Variants in EDIL3 observed in about 807,000 individuals in gnomAD.
EDIL3 encodes EGF-like repeat and discoidin I-like domain-containing protein 3.
EDIL3 carries 37 observed loss-of-function variants against 67.4 expected under a neutral mutation model. That is an observed-to-expected ratio of 0.55 (90% CI 0.42 to 0.72). The LOEUF (loss-of-function observed/expected upper bound fraction) is 0.72. Ranked by LOEUF, EDIL3 falls within the 30% of genes least tolerant of loss-of-function variation. EDIL3 has a pLI of 0.00. For missense variants in EDIL3, 527 were observed against 586.3 expected, an observed-to-expected ratio of 0.90 and a Z score of 1.04; for synonymous variants, 195 against 196.3, an observed-to-expected ratio of 0.99 and a Z score of 0.05.
At chr5:84,287,560 A>G (rs1156821112) in intron 1 of EDIL3, among the ~76,000 whole-genome samples, 1 of 152,206 alleles carries the variant, frequency 6.6e-6, no homozygotes, top group Non-Finnish European at 1.5e-5. Context: ...CACAAGCTTA[A>G]TGAACATTAG....
intron 1 of EDIL3, among the ~76,000 whole-genome samples, chr5:84,288,724 A>G (rs1204419136): frequency 6.6e-6 from 1 of 151,968 alleles, no homozygotes; most frequent in Non-Finnish European, 1.5e-5. Context: ...TCCCCTGACT[A>G]CTCAACTTAA....
At chr5:84,141,950 T>C (rs1561443845) in intron 4 of EDIL3, among the ~76,000 whole-genome samples, 1 of 120,456 alleles carries the variant, frequency 8.3e-6, no homozygotes, top group African/African-American at 3.2e-5. Flanking sequence ...TATATATACA[T>C]AGATCTATCT....
chr5:84,263,454 C>G (rs1561239012), intron 1 of EDIL3, among the ~76,000 whole-genome samples: 1 of 152,134 alleles, frequency 6.6e-6, no homozygotes, highest in Non-Finnish European at 1.5e-5. Context: ...AGTAATGATG[C>G]AATTCTTTCA....
intron 4 of EDIL3, among the ~76,000 whole-genome samples, chr5:84,173,963 GT>G (rs1748857051): frequency 6.6e-6 from 1 of 152,170 alleles, no homozygotes. Context: ...CAAACCAAAG[GT>G]ATGGTGCACT....
At chr5:84,246,518 AG>A (rs926683036) in intron 2 of EDIL3, among the ~76,000 whole-genome samples, 3 of 152,266 alleles carry the variant, frequency 2.0e-5, no homozygotes, top group African/African-American at 7.2e-5. Flanking sequence ...ATTATTTGTT[AG>A]GCAGTAAAAT....
intron 4 of EDIL3, among the ~76,000 whole-genome samples, chr5:84,147,738 AC>A (rs1748314578): frequency 6.6e-6 from 1 of 152,006 alleles, no homozygotes; most frequent in South Asian, 2.1e-4. Context: ...AAAAAAAAAA[AC>A]ACCTCACACT....
intron 1 of EDIL3, among the ~76,000 whole-genome samples, chr5:84,304,239 T>A (rs930501677): frequency 1.2e-4 from 19 of 152,248 alleles, no homozygotes; most frequent in African/African-American, 4.6e-4. Flanking sequence ...GGTAACAAAA[T>A]CTCTGGTTTT....
intron 6 of EDIL3, among the ~76,000 whole-genome samples, chr5:84,068,368 C>A (rs1746679928): frequency 6.6e-6 from 1 of 152,044 alleles, no homozygotes; most frequent in Admixed American, 6.6e-5. Flanking sequence ...CTGAACATTC[C>A]TTTTTCAATT....
intron 6 of EDIL3, among the ~76,000 whole-genome samples, chr5:84,074,538 G>A (rs1746812809): frequency 6.6e-6 from 1 of 151,984 alleles, no homozygotes. Flanking sequence ...AGTGGGCAAA[G>A]GACATGAACA....
chr5:84,038,699 G>A (rs763573575), intron 9 of EDIL3, among the ~76,000 whole-genome samples: 4 of 152,218 alleles, frequency 2.6e-5, no homozygotes, highest in African/African-American at 7.2e-5. Context: ...AAGTAGAGCT[G>A]CTGTGGAAAA....
intron 8 of EDIL3, among the ~76,000 whole-genome samples, chr5:84,061,457 C>T (rs1474238698): frequency 6.6e-6 from 1 of 152,070 alleles, no homozygotes; most frequent in Non-Finnish European, 1.5e-5. Flanking sequence ...GCTGAGTCTT[C>T]TTTATGTGAA....
intron 4 of EDIL3, among the ~76,000 whole-genome samples, chr5:84,155,462 T>C (rs1580352597): frequency 1.3e-5 from 2 of 152,338 alleles, no homozygotes; most frequent in East Asian, 1.9e-4. Context: ...TGTGTTGGTA[T>C]GCATTAATTT....
chr5:84,231,744 T>C (rs1022897964), intron 2 of EDIL3, among the ~76,000 whole-genome samples: 3 of 152,188 alleles, frequency 2.0e-5, no homozygotes, highest in Non-Finnish European at 4.4e-5. Flanking sequence ...CGCTTTATCA[T>C]GTCCAAAATA....
chr5:84,102,343 A>G (rs917837321), intron 6 of EDIL3, among the ~76,000 whole-genome samples: 2 of 152,070 alleles, frequency 1.3e-5, no homozygotes, highest in Non-Finnish European at 2.9e-5. Flanking sequence ...AAAAAAGTAA[A>G]AGCCATCCAA....
At chr5:84,132,356 A>AATATATT (rs1747988520) in intron 5 of EDIL3, among the ~76,000 whole-genome samples, 1 of 30,818 alleles carries the variant, frequency 3.2e-5, no homozygotes, top group South Asian at 6.7e-4. Flanking sequence ...TTTTATACAT[A>AATATATT]ATATATATTA....
intron 4 of EDIL3, among the ~76,000 whole-genome samples, chr5:84,162,527 T>C (rs994881560): frequency 6.6e-6 from 1 of 152,080 alleles, no homozygotes; most frequent in Admixed American, 6.5e-5. Context: ...TGGGCTCTTT[T>C]TTTCCTGGGA....
At chr5:84,258,703 C>T (rs976389090) in intron 1 of EDIL3, among the ~76,000 whole-genome samples, 33 of 152,276 alleles carry the variant, frequency 2.2e-4, no homozygotes, top group Admixed American at 2.0e-3. Context: ...TCAAAACCAT[C>T]ATATCTCAGC....
intron 9 of EDIL3, among the ~76,000 whole-genome samples, chr5:83,997,589 A>G (rs559819398): frequency 1.6e-4 from 24 of 152,304 alleles, no homozygotes; most frequent in African/African-American, 5.5e-4. Context: ...GAATGTCCAA[A>G]TGGTAATATC....
intron 1 of EDIL3, among the ~76,000 whole-genome samples, chr5:84,381,079 A>G (rs1265244962): frequency 6.6e-6 from 1 of 152,142 alleles, no homozygotes; most frequent in African/African-American, 2.4e-5. Context: ...GATTTTTGCA[A>G]CTTCAAGATC....
Sources: gnomAD v4.1 joint callset for allele counts (sites outside exome capture counted in the v4.1 genomes callset) on GRCh38, gnomAD v4.1.1 for gene constraint, MANE v1.5 for transcripts, NCBI Gene and HGNC (gene_info 2026-07-23, HGNC 2026-07-21) for gene names.